The following SPATA3 variants were observed in gnomAD, a reference collection of about 807,000 sequenced individuals.
SPATA3 encodes spermatogenesis-associated protein 3.
SPATA3 carries 6 observed loss-of-function variants against 5.7 expected under a neutral mutation model. The ratio of observed to expected loss-of-function variants is 1.06; its 90% confidence interval spans 0.58 to 2.09. The LOEUF is 2.09. Ranked by LOEUF, SPATA3 falls within the 30% of genes most tolerant of loss-of-function variation. The probability of loss-of-function intolerance (pLI) is 0.00; values close to 1 mark genes in which losing one functional copy is unlikely to be tolerated. For missense variants in SPATA3, 155 were observed against 130.4 expected, an observed-to-expected ratio of 1.19 and a Z score of -0.92; for synonymous variants, 44 against 48.4, an observed-to-expected ratio of 0.91 and a Z score of 0.37.
At chr2:231,005,235 TCAC>T (rs1692531719), downstream of SPATA3, among the ~76,000 whole-genome samples, 7 of 101,294 alleles carry the variant, frequency 6.9e-5, no homozygotes, top group Non-Finnish European at 1.5e-4. Context: ...ACCATCACCA[TCAC>T]CACCACCATC....
At chr2:230,996,585 C>T in intron 1 of SPATA3, 51 bp downstream of exon 1, 1 of 1,532,102 alleles carries the variant, frequency 6.5e-7, no homozygotes, top group Non-Finnish European at 8.8e-7. Context: ...TGATGGAGTT[C>T]TGGGTCATCC....
At chr2:231,014,415 G>T (rs1485613376) in intron 6 of SPATA3, among the ~76,000 whole-genome samples, 1 of 152,194 alleles carries the variant, frequency 6.6e-6, no homozygotes, top group Non-Finnish European at 1.5e-5. Context: ...TTCTGTAATA[G>T]AGTAGTTTCT....
Position 230,998,954 on chromosome 2 carries a change from G to C in SPATA3, c.791-1412G>C, listed in dbSNP as rs78475339. ...TTGTACACAAATGCTCAAAGCAGCA[G>C]CATTTGTAATAGCCAAAAAGTGGGA... On this transcript the variant is annotated intron_variant, in intron 1 of 2. Transcript: ENST00000645363. Among the ~76,000 whole-genome samples the C allele has an allele frequency of 1.0e-3, 157 of 152,308 alleles. 2 individuals are homozygous for C. The East Asian group carries it at 0.02, about 20-fold the overall frequency.
downstream of SPATA3, among the ~76,000 whole-genome samples, chr2:231,007,833 TA>T (rs1256877932): frequency 6.6e-6 from 1 of 151,962 alleles, no homozygotes; most frequent in Non-Finnish European, 1.5e-5. Flanking sequence ...CAAACACCAA[TA>T]GGGGAGAGGA....
intron 1 of SPATA3, 86 bp from the exon 2 acceptor site, chr2:231,000,280 G>A (rs866226634): frequency 8.2e-7 from 1 of 1,220,868 alleles, no homozygotes; most frequent in Non-Finnish European, 1.1e-6. Context: ...CGTTGTGGGG[G>A]GCCTTCTCAG....
At chr2:230,996,478 G>A (rs981680124) in intron 1 of SPATA3, 1 of 1,552,140 alleles carries the variant, frequency 6.4e-7, no homozygotes, top group Non-Finnish European at 8.7e-7. Context: ...CGCTCCTCTT[G>A]CTGCCTTTTA....
chr2:231,019,021 C>T (rs1226126295), intron 6 of SPATA3, among the ~76,000 whole-genome samples: 2 of 144,048 alleles, frequency 1.4e-5, no homozygotes, highest in Non-Finnish European at 3.0e-5. Flanking sequence ...GGCTGGAGCG[C>T]AGTGGCACGA....
chr2:230,998,942 C>T (rs1692241545), intron 1 of SPATA3, among the ~76,000 whole-genome samples: 1 of 152,160 alleles, frequency 6.6e-6, no homozygotes, highest in South Asian at 2.1e-4. Context: ...TACACAAATG[C>T]TCAAAGCAGC....
intron 6 of SPATA3, among the ~76,000 whole-genome samples, chr2:231,016,093 T>C (rs1692927288): frequency 6.6e-6 from 1 of 151,236 alleles, no homozygotes; most frequent in Non-Finnish European, 1.5e-5. Flanking sequence ...TCCTCCATCC[T>C]TTCATTCAGT....
downstream of SPATA3, among the ~76,000 whole-genome samples, chr2:231,010,598 T>G (rs1157973378): frequency 6.6e-6 from 1 of 152,168 alleles, no homozygotes; most frequent in Non-Finnish European, 1.5e-5. Context: ...GGGAAAGGAT[T>G]GAGTTTGTAT....
chr2:231,019,060 A>G lies in SPATA3; in HGVS notation c.*566-660A>G, dbSNP rs568866411. Among the ~76,000 whole-genome samples, 482 of 132,340 alleles carry G rather than the reference A, an allele frequency of 3.6e-3. 2 individuals are homozygous for G. Among genetic ancestry groups the G allele is most frequent in the Non-Finnish European group, 5.3e-3 (332 of 63,204 alleles). The allele number at this position is 132,340 out of a possible 152,430, so 86.8% of individuals were successfully genotyped here. On this transcript the variant is annotated intron_variant, in intron 6 of 8. Transcript: ENST00000452881. ...CGGCTCACTGCAAGCTCCGCCTCCCAGGTTCACACCATTCTCCTGCCTCAG... is the reference window on the plus strand; with the variant it reads ...CGGCTCACTGCAAGCTCCGCCTCCCGGGTTCACACCATTCTCCTGCCTCAG...
At chr2:231,000,424 C>T (rs758538855) in exon 2 of SPATA3, 17 of 1,547,104 alleles carry the variant, frequency 1.1e-5, no homozygotes, top group South Asian at 2.4e-5. Context: ...CCTGCAGCTC[C>T]GCTTGCTGGC....
intron 6 of SPATA3, among the ~76,000 whole-genome samples, chr2:231,016,875 C>G (rs1388061736): frequency 6.6e-6 from 1 of 152,044 alleles, no homozygotes; most frequent in East Asian, 1.9e-4. Flanking sequence ...CAGACTCCTT[C>G]TCTCCTCTCA....
chr2:231,005,346 T>TCAC (rs1692554464), downstream of SPATA3, among the ~76,000 whole-genome samples: 1 of 61,114 alleles, frequency 1.6e-5, no homozygotes, highest in African/African-American at 6.3e-5. Flanking sequence ...ATCACCATCA[T>TCAC]CACCATCACC....
intron 1 of SPATA3, among the ~76,000 whole-genome samples, chr2:230,998,298 T>C (rs1692206923): frequency 6.6e-6 from 1 of 152,244 alleles, no homozygotes; most frequent in African/African-American, 2.4e-5. Context: ...TTTCTTGACA[T>C]ATGATATTGA....
chr2:231,005,193 T>C (rs1269197759), downstream of SPATA3, among the ~76,000 whole-genome samples: 1 of 10,272 alleles, frequency 9.7e-5, no homozygotes, highest in Non-Finnish European at 2.0e-4. Flanking sequence ...ACCATCACCA[T>C]CTTCACCATC....
At chr2:231,017,415 C>T (rs1344838423) in intron 6 of SPATA3, among the ~76,000 whole-genome samples, 1 of 152,182 alleles carries the variant, frequency 6.6e-6, no homozygotes, top group Admixed American at 6.5e-5. Context: ...AGAGAGTGCC[C>T]ACAAGCCTGT....
intron 6 of SPATA3, among the ~76,000 whole-genome samples, chr2:231,018,067 GGA>G (rs1692976213): frequency 1.3e-5 from 2 of 152,088 alleles, no homozygotes; most frequent in African/African-American, 4.8e-5. Flanking sequence ...TGGGATTACA[GGA>G]GCACACCACC....
chr2:231,012,941 G>A (rs1046909739), intron 5 of SPATA3, among the ~76,000 whole-genome samples: 1 of 152,144 alleles, frequency 6.6e-6, no homozygotes, highest in Non-Finnish European at 1.5e-5. Flanking sequence ...CAACCCTGGG[G>A]CAAATCCAGT....
Sources: allele counts gnomAD v4.1 joint callset (sites outside exome capture counted in the v4.1 genomes callset), GRCh38; gene constraint gnomAD v4.1.1; transcripts MANE v1.5; gene names NCBI Gene and HGNC (gene_info 2026-07-23, HGNC 2026-07-21).